RALGAPA2: variants seen among roughly 807,000 people sequenced by gnomAD.
The protein encoded by RALGAPA2 is ral GTPase-activating protein subunit alpha-2.
RALGAPA2 carries 139 observed loss-of-function variants against 230.4 expected under a neutral mutation model. The observed-to-expected ratio is 0.60, with a 90% confidence interval of 0.53 to 0.69. The LOEUF is 0.69. RALGAPA2 is among the 30% of genes least tolerant of loss of function. The pLI, the probability that RALGAPA2 is intolerant of heterozygous loss-of-function variation, is 0.00. For missense variants in RALGAPA2, 2,163 were observed against 2,276.0 expected, an observed-to-expected ratio of 0.95 and a Z score of 1.01; for synonymous variants, 847 against 837.8, an observed-to-expected ratio of 1.01 and a Z score of -0.19.
intron 19 of RALGAPA2, among the ~76,000 whole-genome samples, chr20:20,583,666 T>C (rs1015634281): frequency 1.3e-5 from 2 of 152,164 alleles, no homozygotes; most frequent in African/African-American, 4.8e-5. Flanking sequence ...CAGGTAGACG[T>C]AGACCTAGGG....
chr20:20,419,057 C>T (rs1035798793), intron 37 of RALGAPA2, among the ~76,000 whole-genome samples: 7 of 152,104 alleles, frequency 4.6e-5, no homozygotes, highest in African/African-American at 1.7e-4. Context: ...ATTTTAAAAA[C>T]AGGTTAAGTG....
intron 4 of RALGAPA2, among the ~76,000 whole-genome samples, chr20:20,646,799 C>T (rs778316673): frequency 1.3e-5 from 2 of 151,826 alleles, no homozygotes; most frequent in African/African-American, 4.8e-5. Flanking sequence ...CCATAATGAA[C>T]AATATTAAAT....
chr20:20,692,270 AC>A (rs1238512009), intron 1 of RALGAPA2, among the ~76,000 whole-genome samples: 1 of 152,256 alleles, frequency 6.6e-6, no homozygotes, highest in Non-Finnish European at 1.5e-5. Context: ...TGTTGTACAT[AC>A]CTGTTTAAAT....
chr20:20,455,810 T>C (rs530820706), intron 37 of RALGAPA2, among the ~76,000 whole-genome samples: 1 of 152,210 alleles, frequency 6.6e-6, no homozygotes, highest in Non-Finnish European at 1.5e-5. Context: ...TGATACAATT[T>C]ATATGGTTTT....
chr20:20,691,604 G>A (rs1265098044), intron 1 of RALGAPA2, among the ~76,000 whole-genome samples: 3 of 151,868 alleles, frequency 2.0e-5, no homozygotes, highest in East Asian at 1.9e-4. Context: ...ACCACTCCCC[G>A]ACACAGTGCT....
At chr20:20,501,345 A>C (rs912171869) in intron 35 of RALGAPA2, among the ~76,000 whole-genome samples, 1 of 152,244 alleles carries the variant, frequency 6.6e-6, no homozygotes, top group African/African-American at 2.4e-5. Context: ...GATCTTCCAG[A>C]TAAGCTGCAG....
intron 36 of RALGAPA2, 69 bp downstream of exon 36, chr20:20,495,048 A>G: frequency 7.3e-7 from 1 of 1,372,816 alleles, no homozygotes; most frequent in South Asian, 1.7e-5. Flanking sequence ...TGTATCACTG[A>G]TTTTCAATGA....
At chr20:20,412,003 G>A in intron 38 of RALGAPA2, 24 bp downstream of exon 38, 1 of 1,613,760 alleles carries the variant, frequency 6.2e-7, no homozygotes, top group Non-Finnish European at 8.5e-7. Context: ...AAGCGCGTGA[G>A]AGAAGAATAA....
intron 36 of RALGAPA2, among the ~76,000 whole-genome samples, chr20:20,484,299 T>C (rs1046018154): frequency 1.3e-5 from 2 of 152,202 alleles, no homozygotes; most frequent in Admixed American, 6.5e-5. Flanking sequence ...TGTTCAATCC[T>C]AAATGTCTTC....
At chr20:20,666,370 A>C (rs186681285) in intron 3 of RALGAPA2, among the ~76,000 whole-genome samples, 52 of 152,338 alleles carry the variant, frequency 3.4e-4, no homozygotes, top group African/African-American at 1.2e-3. Flanking sequence ...AAATCTACTA[A>C]AGCATCTAAA....
intron 4 of RALGAPA2, among the ~76,000 whole-genome samples, chr20:20,651,022 A>G (rs909514114): frequency 6.6e-6 from 1 of 151,976 alleles, no homozygotes; most frequent in Non-Finnish European, 1.5e-5. Context: ...GTGTGTAGAT[A>G]TTCCACTAAT....
At chr20:20,528,185 A>C (rs775189444) in intron 27 of RALGAPA2, among the ~76,000 whole-genome samples, 15 of 152,138 alleles carry the variant, frequency 9.9e-5, no homozygotes, top group Non-Finnish European at 1.8e-4. Context: ...CTGACATGTA[A>C]TGAAGGAGGT....
chr20:20,414,354 A>G (rs2060124153), intron 37 of RALGAPA2, among the ~76,000 whole-genome samples: 1 of 152,202 alleles, frequency 6.6e-6, no homozygotes, highest in African/African-American at 2.4e-5. Flanking sequence ...ACTGCGTCCA[A>G]CACATCCACA....
intron 20 of RALGAPA2, among the ~76,000 whole-genome samples, chr20:20,581,886 T>C (rs1283732326): frequency 6.6e-6 from 1 of 152,130 alleles, no homozygotes; most frequent in Non-Finnish European, 1.5e-5. Context: ...CATTTTAAAA[T>C]ATTTTTTGGC....
At chr20:20,445,947 G>GA (rs1288379460) in intron 37 of RALGAPA2, among the ~76,000 whole-genome samples, 4 of 151,438 alleles carry the variant, frequency 2.6e-5, no homozygotes, top group South Asian at 4.2e-4. Context: ...ATTTGCTTTG[G>GA]AAAAAACATT....
chr20:20,556,529 C>T (rs914045838), intron 23 of RALGAPA2, among the ~76,000 whole-genome samples: 5 of 151,508 alleles, frequency 3.3e-5, no homozygotes, highest in African/African-American at 1.2e-4. Flanking sequence ...GTCATGACAC[C>T]GATAAGCTTC....
At chr20:20,544,680 C>T (rs950749768) in intron 24 of RALGAPA2, among the ~76,000 whole-genome samples, 56 of 152,292 alleles carry the variant, frequency 3.7e-4, no homozygotes, top group Admixed American at 7.8e-4. Context: ...CCATGGAATA[C>T]TGTGCAGCCA....
At chr20:20,700,515 G>T (rs1203275319) in intron 1 of RALGAPA2, among the ~76,000 whole-genome samples, 1 of 152,200 alleles carries the variant, frequency 6.6e-6, no homozygotes, top group Non-Finnish European at 1.5e-5. Context: ...ATTGGGGGAT[G>T]GGGTGGGGAA....
intron 33 of RALGAPA2, among the ~76,000 whole-genome samples, chr20:20,507,096 A>C (rs1462200944): frequency 3.9e-5 from 6 of 152,216 alleles, no homozygotes; most frequent in Non-Finnish European, 8.8e-5. Flanking sequence ...TTTCACTTAA[A>C]ATATTTGTGA....
Sources: allele counts gnomAD v4.1 joint callset (sites outside exome capture counted in the v4.1 genomes callset), GRCh38; gene constraint gnomAD v4.1.1; transcripts MANE v1.5; gene names NCBI Gene and HGNC (gene_info 2026-07-23, HGNC 2026-07-21).